Variants in MYOM1 observed in about 807,000 individuals in gnomAD.
The protein encoded by MYOM1 is myomesin-1.
In MYOM1, 164 loss-of-function variants were observed where a neutral mutation model predicts 205.3. The observed-to-expected ratio is 0.80, with a 90% CI of 0.70 to 0.91. The LOEUF (loss-of-function observed/expected upper bound fraction) is 0.91, where lower values mean the gene tolerates loss of function less well. Ranked by LOEUF, MYOM1 falls within the 40% of genes least tolerant of loss-of-function variation. MYOM1 has a pLI of 0.00. For synonymous variants in MYOM1, 772 were observed against 789.4 expected, an observed-to-expected ratio of 0.98 and a Z score of 0.37; for missense variants, 2,011 against 2,127.3, an observed-to-expected ratio of 0.95 and a Z score of 1.08.
chr18:3,197,666 G>A (rs943143898), intron 2 of MYOM1, among the ~76,000 whole-genome samples: 4 of 151,908 alleles, frequency 2.6e-5, no homozygotes, highest in Admixed American at 6.5e-5. Flanking sequence ...GAGGTCAGGA[G>A]ATCGAGACCA....
In MYOM1 at chr18:3,116,319, G is replaced by A; in HGVS notation, c.3303+12C>T. ...TTAGTAGAGGAAGCTCTAGAACTGA[G>A]CAGCCTCTTACCTTCAGGTATACGT... On this transcript the variant is annotated intron_variant, in intron 21 of 37. Coordinates refer to ENST00000356443, the MANE Select transcript of MYOM1 (RefSeq NM_003803.4). The A allele has an allele frequency of 6.2e-7, 1 of 1,609,176 alleles. No individual in the cohort carries two copies. The highest frequency in any genetic ancestry group is 1.3e-5 in the African/African-American group (1 of 74,938).
At chr18:3,087,816 T>A (rs1567898479) in intron 29 of MYOM1, among the ~76,000 whole-genome samples, 2 of 152,064 alleles carry the variant, frequency 1.3e-5, no homozygotes, top group South Asian at 2.1e-4. Flanking sequence ...TATTTATTTT[T>A]TTTTTTGAGT....
In MYOM1 at chr18:3,067,510, C is replaced by T. The variant is rs774848246; in HGVS notation, c.4810G>A (p.Val1604Met). The change falls in exon 38 of 38, where the codon GTG becomes ATG. Residue 1604 changes from valine to methionine, a missense_variant. Coordinates refer to ENST00000356443, the MANE Select transcript of MYOM1 (RefSeq NM_003803.4). ...GCCTTCTCGTTCTTCAACCACGACA[C>T]CTCCGGAGGCGGGTCTCCCCACACG... ...CNVWGDPPPE[V>M]SWLKNEKALA... The T allele has an allele frequency of 6.2e-7, 1 of 1,613,816 alleles. No homozygotes were observed. The highest frequency in any genetic ancestry group is 8.5e-7 in the Non-Finnish European group (1 of 1,179,870).
At chr18:3,221,162 A>G (rs1456455131), upstream of MYOM1, among the ~76,000 whole-genome samples, 2 of 151,710 alleles carry the variant, frequency 1.3e-5, no homozygotes, top group Non-Finnish European at 2.9e-5. Context: ...CTACAGGCGC[A>G]TGCCATCACA....
intron 1 of MYOM1, among the ~76,000 whole-genome samples, chr18:3,218,427 C>T (rs1441573206): frequency 1.3e-5 from 2 of 152,202 alleles, no homozygotes; most frequent in Non-Finnish European, 2.9e-5. Flanking sequence ...GAGCAAACTT[C>T]ACTCCAGAAA....
chr18:3,204,233 G>A (rs1000563311), intron 2 of MYOM1, among the ~76,000 whole-genome samples: 1 of 151,946 alleles, frequency 6.6e-6, no homozygotes, highest in Non-Finnish European at 1.5e-5. Flanking sequence ...CAACATTGTA[G>A]TGGAGGTTCT....
In MYOM1 at chr18:3,067,115, C is replaced by T. The variant is rs1333678292; in HGVS notation, c.*147G>A. 10 of 861,018 alleles carry T rather than the reference C, an allele frequency of 1.2e-5. No individual in the cohort carries two copies. Among genetic ancestry groups the T allele is most frequent in the Non-Finnish European group, 1.7e-5 (10 of 575,304 alleles). 53.3% of individuals were successfully genotyped at this position (861,018 alleles called of 1,614,324 possible). A position where few individuals can be genotyped will look rare whatever the true frequency, so the allele number is the denominator to read the frequency against. On this transcript the variant is annotated 3_prime_UTR_variant, in exon 38 of 38. Transcript: ENST00000356443. Reference sequence around the variant, plus strand: ...ACAATTAAAGTGTCATTAGTTGGTGCTTTTTTATATGAGTGAAAGACCTGA... The same window carrying T: ...ACAATTAAAGTGTCATTAGTTGGTGTTTTTTTATATGAGTGAAAGACCTGA...
chr18:3,127,302 TA>T (rs1280719125), intron 18 of MYOM1, among the ~76,000 whole-genome samples: 2,563 of 53,820 alleles, frequency 0.048, 30 homozygotes, highest in South Asian at 0.092. Context: ...TATATATATA[TA>T]TATTTTTTTT....
chr18:3,104,439 T>C lies in MYOM1; in HGVS notation c.3419-1809A>G, dbSNP rs2079423792. The stretch of plus-strand genomic sequence containing the variant: ...TTTAAAAGGAAGTGAATCATCCATA[T>C]GCTTGTTGTTTATTACATTAGAGGT... On this transcript the variant is annotated intron_variant, in intron 22 of 37. Transcript: ENST00000356443. Among the ~76,000 whole-genome samples the C allele has an allele frequency of 2.0e-5, 3 of 152,246 alleles. 1 individual carries two copies. The South Asian group carries it at 6.2e-4, about 31-fold the overall frequency.
the MYOM1 span, among the ~76,000 whole-genome samples, chr18:3,235,855 T>C: frequency 6.6e-6 from 1 of 152,280 alleles, no homozygotes; most frequent in Admixed American, 6.5e-5. Flanking sequence ...ACTGAGATGG[T>C]AGTATCTTCT....
chr18:3,080,782 A>G (rs946670007), intron 33 of MYOM1, among the ~76,000 whole-genome samples: 1 of 152,222 alleles, frequency 6.6e-6, no homozygotes, highest in African/African-American at 2.4e-5. Flanking sequence ...GATATTAAAA[A>G]TAAAGATGCC....
At chr18:3,096,595 C>T (rs140721159) in intron 25 of MYOM1, among the ~76,000 whole-genome samples, 60 of 152,112 alleles carry the variant, frequency 3.9e-4, no homozygotes, top group Admixed American at 9.2e-4. Flanking sequence ...CGAGAGCCAC[C>T]ACACCTGGTT....
rs371066861 is a variant in MYOM1 at position 3,116,411 on chromosome 18, C to T, written c.3223G>A (p.Val1075Met). 1.3e-4 allele frequency: 212 copies of T among 1,613,612 alleles called. 1 individual carries two copies. Among genetic ancestry groups the T allele is most frequent in the Middle Eastern group, 1.7e-4 (1 of 6,054 alleles). The part of the protein sequence containing the change: ...SGRTPVTGYF[V>M]DLKEAKAKED... ...TTGGCCTTGGCCTCCTTCAAGTCCA[C>T]GAAGTAACCAGTGACCGGAGTCCGC... The change falls in exon 21 of 38, where the codon GTG becomes ATG. Residue 1075 changes from valine to methionine, a missense_variant. Physicochemically the swap from Val to Met is conservative, Grantham distance 21 (BLOSUM62 1). Coordinates refer to ENST00000356443, the MANE Select transcript of MYOM1 (RefSeq NM_003803.4).
At chr18:3,202,199 T>C (rs2081077665) in intron 2 of MYOM1, among the ~76,000 whole-genome samples, 1 of 152,074 alleles carries the variant, frequency 6.6e-6, no homozygotes, top group Non-Finnish European at 1.5e-5. Context: ...TCAAAGAATA[T>C]AGTCAAGAAA....
rs147912232 is a variant in MYOM1 at position 3,178,410 on chromosome 18, C to T, written c.930-2276G>A. On this transcript the variant is annotated intron_variant, in intron 5 of 37. Coordinates refer to ENST00000356443, the MANE Select transcript of MYOM1 (RefSeq NM_003803.4). ...AACCGGCAGCCTGGCTGCTGACCCA[C>T]ATGATGCTTCCATTTTCCAATTGTT... 6.2e-3 allele frequency among the ~76,000 whole-genome samples: 950 copies of T among 152,338 alleles called. 11 individuals carry two copies. The highest frequency in any genetic ancestry group is 0.024 in the South Asian group (116 of 4,834).
chr18:3,071,825 C>CAT lies in MYOM1; in HGVS notation c.4764+7_4764+8dup. 1 of 1,596,388 alleles carries CAT rather than the reference C, an allele frequency of 6.3e-7. No individual in the cohort carries two copies. The highest frequency in any genetic ancestry group is 8.5e-7 in the Non-Finnish European group (1 of 1,171,288). On this transcript the variant is annotated intron_variant, in intron 37 of 37. Transcript: ENST00000356443. ...AGAAGGAGCAGGCACAGGCAGGCTT[C>CAT]ATGCTTACCTTCCCCTCCTGGATGG...
In MYOM1 at chr18:3,067,573, T is replaced by C. The variant is rs2078911730; in HGVS notation, c.4765-18A>G. 5 of 1,604,024 alleles carry C rather than the reference T, an allele frequency of 3.1e-6. No individual in the cohort carries two copies. In the South Asian group the frequency reaches 3.3e-5, roughly 11 times the overall value. On this transcript the variant is annotated intron_variant, in intron 37 of 37. Coordinates refer to ENST00000356443, the MANE Select transcript of MYOM1 (RefSeq NM_003803.4). ...TTAAGGGCCTGCAAGACAGGTTTTA[T>C]GGGAGAGAAGAAGATAAATTAGATG...
At chr18:3,188,642 A>G in intron 4 of MYOM1, 106 bp downstream of exon 4, 1 of 1,250,852 alleles carries the variant, frequency 8.0e-7, no homozygotes, top group African/African-American at 1.6e-5. Flanking sequence ...AGGAAAAAAA[A>G]AAAGAAACAA....
chr18:3,189,847 C>T lies in MYOM1; in HGVS notation c.432-760G>A, dbSNP rs1450523228. Reference sequence around the variant, plus strand: ...GAGATCTAGTTTGTGTGCCTGTGACCCTGATACATGAGTAGGAGCTTGATC... The same window carrying T: ...GAGATCTAGTTTGTGTGCCTGTGACTCTGATACATGAGTAGGAGCTTGATC... On this transcript the variant is annotated intron_variant, in intron 3 of 37. Coordinates refer to ENST00000356443, the MANE Select transcript of MYOM1 (RefSeq NM_003803.4). The surrounding 1 kb of genome is among the most constrained non-coding windows in gnomAD (Gnocchi z 4.8). Among the ~76,000 whole-genome samples the T allele has an allele frequency of 6.6e-6, 1 of 151,990 alleles. No individual in the cohort carries two copies. Among genetic ancestry groups the T allele is most frequent in the East Asian group, 1.9e-4 (1 of 5,192 alleles).
Sources: allele counts gnomAD v4.1 joint callset (sites outside exome capture counted in the v4.1 genomes callset), GRCh38; gene constraint gnomAD v4.1.1; non-coding constraint Gnocchi (gnomAD v3.1); transcripts MANE v1.5; gene names NCBI Gene and HGNC (gene_info 2026-07-23, HGNC 2026-07-21).